ANKRD44: variants seen among roughly 807,000 people sequenced by gnomAD.
The protein encoded by ANKRD44 is serine/threonine-protein phosphatase 6 regulatory ankyrin repeat subunit B.
ANKRD44 carries 35 observed loss-of-function variants against 116.0 expected under a neutral mutation model. The observed-to-expected ratio is 0.30, with a 90% confidence interval of 0.23 to 0.40. ANKRD44 has a LOEUF of 0.40. ANKRD44 is among the 10% of genes least tolerant of loss of function. The pLI is 1.00. For synonymous variants in ANKRD44, 435 were observed against 461.8 expected (o/e 0.94, Z 0.74); for missense variants, 1,014 against 1,242.6 (o/e 0.82, Z 2.77).
At chr2:197,308,567 T>A (rs2084144373) in intron 1 of ANKRD44, among the ~76,000 whole-genome samples, 1 of 151,698 alleles carries the variant, frequency 6.6e-6, no homozygotes, top group South Asian at 2.1e-4. Flanking sequence ...AGTTCTTGAA[T>A]CTTAAAACGC....
intron 1 of ANKRD44, among the ~76,000 whole-genome samples, chr2:197,275,174 G>C (rs1344873731): frequency 6.6e-6 from 1 of 151,754 alleles, no homozygotes; most frequent in Admixed American, 6.6e-5. Context: ...AGTGGTAGTG[G>C]TGTAATCACA....
chr2:196,998,249 C>T (rs2076049639), intron 25 of ANKRD44, 88 bp downstream of exon 25: 4 of 991,916 alleles, frequency 4.0e-6, no homozygotes. Flanking sequence ...AAGAGCCATG[C>T]TACACAGTTC....
intron 21 of ANKRD44, among the ~76,000 whole-genome samples, chr2:197,005,460 T>C (rs148338550): frequency 6.6e-6 from 1 of 152,324 alleles, no homozygotes; most frequent in African/African-American, 2.4e-5. Context: ...GGTTAAGTGT[T>C]AATGATTAAC....
chr2:197,152,016 C>T (rs1457698192), intron 2 of ANKRD44, among the ~76,000 whole-genome samples: 2 of 152,198 alleles, frequency 1.3e-5, no homozygotes, highest in East Asian at 3.8e-4. Context: ...GTCCTATTGG[C>T]TCCAGCTTAT....
At chr2:197,293,396 G>C (rs923536704) in intron 1 of ANKRD44, among the ~76,000 whole-genome samples, 2 of 152,126 alleles carry the variant, frequency 1.3e-5, no homozygotes, top group Non-Finnish European at 2.9e-5. Flanking sequence ...CACTAATCAA[G>C]GGGCTAAAAA....
chr2:197,234,667 T>C (rs2081941630), intron 1 of ANKRD44, among the ~76,000 whole-genome samples: 1 of 152,236 alleles, frequency 6.6e-6, no homozygotes, highest in Non-Finnish European at 1.5e-5. Flanking sequence ...ATTTTACTTA[T>C]CCCTATTGAT....
In ANKRD44 at chr2:197,201,097, G is replaced by C. The variant is rs557811188; in HGVS notation, c.28-13991C>G. 2.0e-5 allele frequency among the ~76,000 whole-genome samples: 3 copies of C among 152,200 alleles called. No homozygotes were observed. The highest frequency in any genetic ancestry group is 7.2e-5 in the African/African-American group (3 of 41,508). The stretch of plus-strand genomic sequence containing the variant: ...GTCTCAAAGACTAGAGATTAAAAAG[G>C]CATGGGTAATTTTTAACTGAGAGGT... On this transcript the variant is annotated intron_variant, in intron 1 of 27. Transcript: ENST00000282272. This position sits in a 1 kb window ranked among gnomAD's most constrained non-coding sequence, Gnocchi z 4.0.
At chr2:197,186,516 G>C (rs1216238967) in intron 2 of ANKRD44, among the ~76,000 whole-genome samples, 2 of 151,068 alleles carry the variant, frequency 1.3e-5, no homozygotes, top group Non-Finnish European at 2.9e-5. Context: ...CCAGGCTAGA[G>C]TGCAGTGGCG....
At chr2:197,026,047 C>CAAAAAAAAAAAAAAAA (rs111706910) in intron 16 of ANKRD44, among the ~76,000 whole-genome samples, 2 of 130,336 alleles carry the variant, frequency 1.5e-5, no homozygotes. Context: ...TAAAAAGAAA[C>CAAAAAAAAAAAAAAAA]AAAAAAAAAA....
At chr2:197,103,827 G>C (rs2078361680) in intron 9 of ANKRD44, among the ~76,000 whole-genome samples, 1 of 152,170 alleles carries the variant, frequency 6.6e-6, no homozygotes, top group African/African-American at 2.4e-5. Flanking sequence ...CCTCCCAGTT[G>C]TATGTATGTG....
intron 27 of ANKRD44, 189 bp from the exon 28 acceptor site, chr2:196,989,838 C>A (rs2075887746): frequency 7.4e-7 from 1 of 1,349,376 alleles, no homozygotes; most frequent in Non-Finnish European, 9.5e-7. Context: ...TACTGATGAA[C>A]AATGCTGATG....
intron 21 of ANKRD44, among the ~76,000 whole-genome samples, chr2:196,968,768 C>A (rs1019478597): frequency 6.6e-6 from 1 of 152,216 alleles, no homozygotes; most frequent in Non-Finnish European, 1.5e-5. Flanking sequence ...TTGGCTGTCA[C>A]ATTAATAGCT....
intron 2 of ANKRD44, among the ~76,000 whole-genome samples, chr2:197,183,125 G>A (rs2080556265): frequency 6.6e-6 from 1 of 152,106 alleles, no homozygotes; most frequent in African/African-American, 2.4e-5. Flanking sequence ...ACTATTGGGG[G>A]AAATAAAGTC....
chr2:197,220,779 T>C (rs1376502237), intron 1 of ANKRD44, among the ~76,000 whole-genome samples: 2 of 152,206 alleles, frequency 1.3e-5, no homozygotes, highest in African/African-American at 4.8e-5. Context: ...TTAACAGCCT[T>C]TATTAAAGGG....
In ANKRD44 at chr2:197,278,627, C is replaced by T. The variant is rs563482617; in HGVS notation, c.27+31951G>A. 1.2e-4 allele frequency among the ~76,000 whole-genome samples: 18 copies of T among 152,354 alleles called. No individual in the cohort carries two copies. The South Asian group carries it at 2.9e-3, about 25-fold the overall frequency. ...CTGGGATTTCAGGCATGGGCCACTG[C>T]GCCCATCCACAAAACTCACTTTTAT... On this transcript the variant is annotated intron_variant, in intron 1 of 27. Transcript: ENST00000282272.
intron 16 of ANKRD44, among the ~76,000 whole-genome samples, chr2:197,042,796 A>G (rs919827522): frequency 6.6e-6 from 1 of 152,274 alleles, no homozygotes; most frequent in African/African-American, 2.4e-5. Context: ...AATCATGTTC[A>G]GCCAGTGAGG....
chr2:197,173,122 G>T (rs953551278), intron 2 of ANKRD44, among the ~76,000 whole-genome samples: 3 of 152,164 alleles, frequency 2.0e-5, no homozygotes, highest in Non-Finnish European at 2.9e-5. Context: ...AAGTCTGACT[G>T]TATCTTTAGA....
At chr2:196,980,354 A>G (rs1468524036) in intron 21 of ANKRD44, among the ~76,000 whole-genome samples, 2 of 152,234 alleles carry the variant, frequency 1.3e-5, no homozygotes, top group African/African-American at 4.8e-5. Flanking sequence ...AACAGTAAGG[A>G]GTAAATTTCA....
At chr2:197,134,722 A>G (rs751076815) in intron 4 of ANKRD44, 1 of 152,180 alleles carries the variant, frequency 6.6e-6, no homozygotes, top group Non-Finnish European at 1.5e-5. Flanking sequence ...ATGAGCTACA[A>G]AGAAAAGGTG....
Sources: gnomAD v4.1 joint callset for allele counts (sites outside exome capture counted in the v4.1 genomes callset) on GRCh38, gnomAD v4.1.1 for gene constraint, Gnocchi (gnomAD v3.1) non-coding constraint, MANE v1.5 for transcripts, NCBI Gene and HGNC (gene_info 2026-07-23, HGNC 2026-07-21) for gene names.